Variants in MEGF10 observed in about 807,000 individuals in gnomAD.
The protein encoded by MEGF10 is multiple epidermal growth factor-like domains protein 10.
MEGF10 carries 86 observed loss-of-function variants against 147.5 expected under a neutral mutation model. The ratio of observed to expected loss-of-function variants is 0.58; its 90% CI spans 0.49 to 0.70. The LOEUF (loss-of-function observed/expected upper bound fraction) is 0.70, where lower values mean the gene tolerates loss of function less well. Ranked by LOEUF, MEGF10 falls within the 30% of genes least tolerant of loss-of-function variation. The pLI is 0.00. For missense variants in MEGF10, 1,329 were observed against 1,487.3 expected (o/e 0.89, Z 1.75); for synonymous variants, 478 against 525.5 (o/e 0.91, Z 1.24).
At chr5:127,312,142 A>G (rs953799028) in intron 1 of MEGF10, among the ~76,000 whole-genome samples, 1 of 152,134 alleles carries the variant, frequency 6.6e-6, no homozygotes, top group Non-Finnish European at 1.5e-5. Flanking sequence ...TCTCCAGGGA[A>G]GCATGGTCAG....
chr5:127,307,404 G>A (rs184657308), intron 1 of MEGF10, among the ~76,000 whole-genome samples: 18 of 152,328 alleles, frequency 1.2e-4, no homozygotes, highest in African/African-American at 4.1e-4. Context: ...CTATGGCAGA[G>A]CCCCAGCTTC....
At chr5:127,302,766 G>A (rs1759828866) in intron 1 of MEGF10, among the ~76,000 whole-genome samples, 2 of 152,202 alleles carry the variant, frequency 1.3e-5, no homozygotes, top group Non-Finnish European at 2.9e-5. Flanking sequence ...GCAGCCTTCA[G>A]CGCCTTGCCA....
the MEGF10 span, among the ~76,000 whole-genome samples, chr5:127,234,096 G>C: frequency 3.3e-5 from 5 of 152,176 alleles, no homozygotes; most frequent in African/African-American, 1.2e-4. Flanking sequence ...TCATACTGAG[G>C]ATTTGTGAAG....
intron 1 of MEGF10, among the ~76,000 whole-genome samples, chr5:127,313,744 C>T (rs1285659467): frequency 2.0e-5 from 3 of 152,178 alleles, no homozygotes; most frequent in East Asian, 3.8e-4. Context: ...TAAGAAACCA[C>T]CCCTATATAC....
intron 4 of MEGF10, among the ~76,000 whole-genome samples, chr5:127,352,490 C>G (rs536745837): frequency 6.6e-6 from 1 of 152,084 alleles, no homozygotes; most frequent in African/African-American, 2.4e-5. Flanking sequence ...GGCGAAACCT[C>G]GTCTTTACTA....
chr5:127,317,240 T>TG (rs1296212283), intron 1 of MEGF10, among the ~76,000 whole-genome samples: 1 of 152,210 alleles, frequency 6.6e-6, no homozygotes, highest in African/African-American at 2.4e-5. Context: ...CTTTGTCAGA[T>TG]GGGTAGATTG....
intron 22 of MEGF10, among the ~76,000 whole-genome samples, chr5:127,450,828 G>A (rs1186486260): frequency 1.3e-5 from 2 of 151,858 alleles, no homozygotes; most frequent in Admixed American, 6.6e-5. Flanking sequence ...GCGCGATCTC[G>A]GCTCACTGCA....
intron 12 of MEGF10, 127 bp downstream of exon 12, chr5:127,420,334 A>G (rs1262652420): frequency 1.0e-6 from 1 of 1,002,820 alleles, no homozygotes; most frequent in Non-Finnish European, 1.4e-6. Flanking sequence ...AACTACTGGA[A>G]GAATCCAGGT....
chr5:127,272,623 C>T, the MEGF10 span, among the ~76,000 whole-genome samples: 1 of 152,074 alleles, frequency 6.6e-6, no homozygotes, highest in East Asian at 1.9e-4. Context: ...GTTTGTAGTT[C>T]TCCGTGATGA....
intron 5 of MEGF10, among the ~76,000 whole-genome samples, chr5:127,391,087 T>TGCGCGC (rs139002719): frequency 3.3e-4 from 43 of 131,974 alleles, no homozygotes; most frequent in Middle Eastern, 3.8e-3. Flanking sequence ...CATACACACA[T>TGCGCGC]GCGCGCGCGC....
intron 5 of MEGF10, among the ~76,000 whole-genome samples, chr5:127,389,394 A>G (rs1439331488): frequency 6.6e-6 from 1 of 152,244 alleles, no homozygotes; most frequent in Non-Finnish European, 1.5e-5. Flanking sequence ...CAGAACTACC[A>G]TTCAACCCAA....
chr5:127,389,834 A>T (rs1763576228), intron 5 of MEGF10, among the ~76,000 whole-genome samples: 1 of 152,130 alleles, frequency 6.6e-6, no homozygotes, highest in Admixed American at 6.5e-5. Context: ...TAGGCTTAGT[A>T]CTTGGGTGAT....
At chr5:127,436,690 T>C (rs530422591) in intron 16 of MEGF10, among the ~76,000 whole-genome samples, 1 of 152,298 alleles carries the variant, frequency 6.6e-6, no homozygotes, top group East Asian at 1.9e-4. Context: ...GGAATAAAAA[T>C]AGAAACACAA....
intron 1 of MEGF10, among the ~76,000 whole-genome samples, chr5:127,323,838 CA>C (rs1760894677): frequency 6.6e-6 from 1 of 152,266 alleles, no homozygotes; most frequent in South Asian, 2.1e-4. Context: ...GATCCACTCC[CA>C]AGATGGATCA....
chr5:127,247,123 G>T, the MEGF10 span, among the ~76,000 whole-genome samples: 1 of 140,342 alleles, frequency 7.1e-6, no homozygotes, highest in African/African-American at 2.7e-5. Flanking sequence ...AAAAAGAAGG[G>T]TCTATATATG....
intron 2 of MEGF10, among the ~76,000 whole-genome samples, chr5:127,333,537 AAG>A (rs1245450870): frequency 6.6e-6 from 1 of 152,042 alleles, no homozygotes; most frequent in South Asian, 2.1e-4. Context: ...AAAATAAAAA[AAG>A]AGAGAGAGAG....
chr5:127,281,773 A>T, the MEGF10 span, among the ~76,000 whole-genome samples: 9 of 152,210 alleles, frequency 5.9e-5, no homozygotes, highest in Admixed American at 2.6e-4. Context: ...CAGTAGGCCT[A>T]GCAGGGGCCC....
At chr5:127,439,644 C>G (rs1765685397) in intron 17 of MEGF10, among the ~76,000 whole-genome samples, 6 of 152,184 alleles carry the variant, frequency 3.9e-5, no homozygotes, top group Admixed American at 3.9e-4. Context: ...TTAGAACGTG[C>G]TTCAAAGAGA....
intron 5 of MEGF10, among the ~76,000 whole-genome samples, chr5:127,391,703 A>G (rs1763705089): frequency 6.6e-6 from 1 of 152,168 alleles, no homozygotes; most frequent in African/African-American, 2.4e-5. Flanking sequence ...CACCTCTGAA[A>G]TCAGAATGCA....
Sources: gnomAD v4.1 joint callset for allele counts (sites outside exome capture counted in the v4.1 genomes callset) on GRCh38, gnomAD v4.1.1 for gene constraint, MANE v1.5 for transcripts, NCBI Gene and HGNC (gene_info 2026-07-23, HGNC 2026-07-21) for gene names.